The following LRBA variants were observed in gnomAD, a reference collection of about 807,000 sequenced individuals.
LRBA encodes the protein LPS responsive beige-like anchor protein, also known as lipopolysaccharide-responsive and beige-like anchor protein.
Under a neutral mutation model 330.0 loss-of-function variants are expected in LRBA, and 176 were observed. That is an observed-to-expected ratio of 0.53 (90% CI 0.47 to 0.60). The LOEUF (loss-of-function observed/expected upper bound fraction) is 0.60, where lower values mean the gene tolerates loss of function less well. Ranked by LOEUF, LRBA falls within the 20% of genes least tolerant of loss-of-function variation. The probability of loss-of-function intolerance (pLI) is 0.00; values close to 1 mark genes in which losing one functional copy is unlikely to be tolerated. For synonymous variants in LRBA, 1,230 were observed against 1,193.0 expected (o/e 1.03, Z -0.64); for missense variants, 3,259 against 3,444.8 (o/e 0.95, Z 1.35).
At chr4:150,360,015 C>T (rs1738454893) in intron 47 of LRBA, among the ~76,000 whole-genome samples, 1 of 151,570 alleles carries the variant, frequency 6.6e-6, no homozygotes, top group African/African-American at 2.4e-5. Flanking sequence ...TGCTCATGTT[C>T]AATAGTGGAA....
intron 19 of LRBA, among the ~76,000 whole-genome samples, chr4:150,870,933 A>G (rs1753357676): frequency 1.3e-5 from 2 of 152,196 alleles, no homozygotes; most frequent in African/African-American, 2.4e-5. Flanking sequence ...ATATCATTTC[A>G]AAGCTGTACA....
intron 2 of LRBA, among the ~76,000 whole-genome samples, chr4:150,967,964 G>A (rs976662048): frequency 6.6e-6 from 1 of 151,194 alleles, no homozygotes; most frequent in African/African-American, 2.4e-5. Flanking sequence ...AACCTACAAT[G>A]GCCTCTAAGT....
rs75787207 is a variant in LRBA at position 150,366,580 on chromosome 4, G to A, written c.7195-16421C>T. On this transcript the variant is annotated intron_variant, in intron 47 of 56. Transcript: ENST00000651943. ...GACAGTGAGAGGAGGGAGCTAGGCC[G>A]AGAGATGCAGAGTTAATCAGGGAGC... Among the ~76,000 whole-genome samples, 660 of 152,258 alleles carry A rather than the reference G, an allele frequency of 4.3e-3. 4 individuals carry two copies. The highest frequency in any genetic ancestry group is 0.015 in the African/African-American group (637 of 41,568).
intron 2 of LRBA, among the ~76,000 whole-genome samples, chr4:150,950,652 G>T (rs1478484828): frequency 6.6e-6 from 1 of 151,968 alleles, no homozygotes; most frequent in Non-Finnish European, 1.5e-5. Flanking sequence ...TATCAGATGT[G>T]AAAATGGAGA....
chr4:150,523,507 C>A (rs935938788), intron 40 of LRBA, among the ~76,000 whole-genome samples: 1 of 152,044 alleles, frequency 6.6e-6, no homozygotes, highest in African/African-American at 2.4e-5. Context: ...AATTTCTGTT[C>A]TTCATAAGTT....
chr4:150,683,865 T>C, intron 36 of LRBA, 148 bp from the exon 37 acceptor site: 1 of 590,362 alleles, frequency 1.7e-6, no homozygotes, highest in Non-Finnish European at 2.9e-6. Context: ...TTTAGTGATC[T>C]GCTGTCTCAA....
intron 48 of LRBA, among the ~76,000 whole-genome samples, chr4:150,344,422 C>T (rs781380670): frequency 1.4e-4 from 22 of 152,156 alleles, no homozygotes; most frequent in Non-Finnish European, 2.8e-4. Flanking sequence ...CTAAGATCAC[C>T]AATGACCTCT....
intron 46 of LRBA, chr4:150,423,409 G>A: frequency 1.6e-6 from 1 of 630,332 alleles, no homozygotes; most frequent in Non-Finnish European, 2.8e-6. Context: ...CCTTCCTTCT[G>A]CGCTTCTTTT....
intron 40 of LRBA, among the ~76,000 whole-genome samples, chr4:150,512,262 G>C (rs1361935381): frequency 6.6e-6 from 1 of 152,172 alleles, no homozygotes; most frequent in Non-Finnish European, 1.5e-5. Flanking sequence ...CAAATTTGTT[G>C]TATCTGGAGA....
At chr4:150,369,419 C>A (rs1034386991) in intron 47 of LRBA, among the ~76,000 whole-genome samples, 2 of 152,110 alleles carry the variant, frequency 1.3e-5, no homozygotes, top group Non-Finnish European at 2.9e-5. Flanking sequence ...ACCCAGGTTG[C>A]CTTTTTATAG....
At chr4:150,291,771 C>A (rs1728326957) in intron 53 of LRBA, among the ~76,000 whole-genome samples, 1 of 148,988 alleles carries the variant, frequency 6.7e-6, no homozygotes, top group Admixed American at 6.7e-5. Flanking sequence ...GACACATGCA[C>A]ACGTATGTTT....
intron 17 of LRBA, among the ~76,000 whole-genome samples, chr4:150,874,067 T>C (rs1753736752): frequency 6.6e-6 from 1 of 152,200 alleles, no homozygotes; most frequent in Non-Finnish European, 1.5e-5. Flanking sequence ...TTAAAAGAAA[T>C]ATTAATATAA....
intron 34 of LRBA, among the ~76,000 whole-genome samples, chr4:150,789,944 T>C (rs1289226066): frequency 1.3e-5 from 2 of 152,182 alleles, no homozygotes; most frequent in African/African-American, 4.8e-5. Flanking sequence ...CATTTGTGTA[T>C]TTCTCCCTTT....
At chr4:150,636,158 CTT>C (rs70941419) in intron 37 of LRBA, among the ~76,000 whole-genome samples, 83,777 of 112,716 alleles carry the variant, frequency 0.74, 33,361 homozygotes, top group Non-Finnish European at 0.89. Context: ...ACCTACCAAG[CTT>C]TTTTTTTTTT....
intron 4 of LRBA, among the ~76,000 whole-genome samples, chr4:150,924,950 G>A (rs1733726298): frequency 6.6e-6 from 1 of 151,990 alleles, no homozygotes; most frequent in South Asian, 2.1e-4. Flanking sequence ...TGGGAGGACT[G>A]CTTGAGCTCA....
intron 30 of LRBA, 139 bp downstream of exon 30, chr4:150,828,041 G>C: frequency 1.5e-6 from 1 of 661,074 alleles, no homozygotes; most frequent in East Asian, 2.7e-5. Flanking sequence ...ATCAACATAA[G>C]CTATTGGTAG....
intron 35 of LRBA, 45 bp downstream of exon 35, chr4:150,761,738 G>T: frequency 7.6e-7 from 1 of 1,308,490 alleles, no homozygotes; most frequent in African/African-American, 1.5e-5. Context: ...AAAAACCCAA[G>T]ATTTTAAAGA....
intron 38 of LRBA, among the ~76,000 whole-genome samples, chr4:150,591,841 T>C (rs1053463476): frequency 6.6e-6 from 1 of 152,046 alleles, no homozygotes; most frequent in East Asian, 1.9e-4. Flanking sequence ...AAGACGCAAA[T>C]GAAAGTGGAA....
Position 150,692,803 on chromosome 4 carries a change from G to A in LRBA, c.5755-9086C>T, listed in dbSNP as rs188914546. On this transcript the variant is annotated intron_variant, in intron 36 of 56. Coordinates refer to ENST00000651943, the MANE Select transcript of LRBA (RefSeq NM_001364905.1). ...TAAAAATCACCAGTCAACTGTTGATGAGAATGCTGAATAATAAAGAACAAT... is the reference window on the plus strand; with the variant it reads ...TAAAAATCACCAGTCAACTGTTGATAAGAATGCTGAATAATAAAGAACAAT... 2.2e-4 allele frequency among the ~76,000 whole-genome samples: 34 copies of A among 152,302 alleles called. No individual in the cohort carries two copies. In the East Asian group the frequency reaches 6.2e-3, roughly 28 times the overall value.
Sources: allele counts gnomAD v4.1 joint callset (sites outside exome capture counted in the v4.1 genomes callset), GRCh38; gene constraint gnomAD v4.1.1; transcripts MANE v1.5; gene names NCBI Gene and HGNC (gene_info 2026-07-23, HGNC 2026-07-21).